Variants in NRXN2 observed in about 807,000 individuals in gnomAD.
NRXN2 encodes neurexin 2, also known as neurexin-2-beta.
In NRXN2, 29 loss-of-function variants were observed where a neutral mutation model predicts 128.8. That is an observed-to-expected ratio of 0.23 (90% CI 0.17 to 0.31). The LOEUF (loss-of-function observed/expected upper bound fraction) is 0.31, where lower values mean the gene tolerates loss of function less well. NRXN2 is among the 10% of genes least tolerant of loss of function. NRXN2 has a pLI of 1.00. For synonymous variants in NRXN2, 1,098 were observed against 1,075.2 expected (o/e 1.02, Z -0.41); for missense variants, 1,881 against 2,452.6 (o/e 0.77, Z 4.92).
Position 64,622,793 on chromosome 11 carries a change from C to T in NRXN2, c.4133G>A (p.Arg1378His). The part of the protein sequence containing the change: ...TTTTMATTTT[R>H]RGRSPTLRDS... ...CCTCAGTGTGGGGGAGCGGCCCCGG[C>T]GCGTGGTGGTAGTGGCCATGGTGGT... Residue 1378 changes from arginine to histidine, a missense_variant, in exon 21 of 23, where the codon CGC becomes CAC. By Grantham distance (29) the Arg-to-His change is conservative. This residue lies in a region of NRXN2 where 108 missense variants were observed against 165.2 expected (regional missense o/e 0.65). Coordinates refer to ENST00000265459, the MANE Select transcript of NRXN2 (RefSeq NM_015080.4). This position sits in a 1 kb window ranked among gnomAD's most constrained non-coding sequence, Gnocchi z 4.3. 4.3e-6 allele frequency: 7 copies of T among 1,612,048 alleles called. No individual in the cohort carries two copies. Among genetic ancestry groups the T allele is most frequent in the Non-Finnish European group, 5.1e-6 (6 of 1,179,926 alleles).
chr11:64,607,614 A>G lies in NRXN2; in HGVS notation c.4721T>C (p.Leu1574Ser). The G allele has an allele frequency of 6.5e-7, 1 of 1,532,524 alleles. No individual in the cohort carries two copies. The highest frequency in any genetic ancestry group is 1.2e-5 in the South Asian group (1 of 84,216). 94.9% of individuals were successfully genotyped at this position (1,532,524 alleles called of 1,614,324 possible). ...GGGCCCCAAGGGCGGGTTCTCCAGC[A>G]AGGGCTGAAGCGGGTCTCGGTGGTT... ...KMNHRDPLQP[L>S]LENPPLGPGA... Residue 1574 changes from leucine (L) to serine (S), a missense_variant, in exon 23 of 23, where the codon TTG becomes TCG. Around this residue, in one of 7 missense-constraint regions of NRXN2, gnomAD observed 310 missense variants for 318.2 expected, o/e 0.97. Coordinates refer to ENST00000265459, the MANE Select transcript of NRXN2 (RefSeq NM_015080.4).
chr11:64,628,496 G>T (rs964189484), intron 19 of NRXN2, among the ~76,000 whole-genome samples: 54 of 152,090 alleles, frequency 3.6e-4, no homozygotes, highest in East Asian at 1.9e-4. Context: ...ACAGGCGGGG[G>T]CACCCAGCAG....
At chr11:64,647,095 T>C in intron 17 of NRXN2, among the ~76,000 whole-genome samples, 1 of 152,142 alleles carries the variant, frequency 6.6e-6, no homozygotes, top group Admixed American at 6.5e-5. Flanking sequence ...CAGTGTGGTA[T>C]GGAGGCAAAG....
rs2039988126 is a variant in NRXN2 at position 64,608,088 on chromosome 11, AC to A, written c.4253-7del. On this transcript the variant is annotated splice_polypyrimidine_tract_variant and splice_region_variant and intron_variant, in intron 22 of 22. Coordinates refer to ENST00000265459, the MANE Select transcript of NRXN2 (RefSeq NM_015080.4). ...GGGCAATATTAACTCTCCTCCTAGA[AC>A]AAGAGAGAGAAGAGAAAAGAGAGGG... 1.3e-6 allele frequency: 2 copies of A among 1,582,372 alleles called. No individual in the cohort carries two copies. The highest frequency in any genetic ancestry group is 2.7e-5 in the African/African-American group (2 of 74,582).
At chr11:64,683,831 G>A (rs1248513815) in intron 6 of NRXN2, among the ~76,000 whole-genome samples, 1 of 152,062 alleles carries the variant, frequency 6.6e-6, no homozygotes, top group Non-Finnish European at 1.5e-5. Flanking sequence ...TCGACTCCGG[G>A]AACCCCAGGA....
chr11:64,686,027 C>T (rs924161335), intron 5 of NRXN2, 80 bp from the exon 6 acceptor site: 43 of 1,509,618 alleles, frequency 2.8e-5, no homozygotes, highest in Middle Eastern at 1.7e-4. Context: ...CCTCCAGCAA[C>T]GCAGGCACTG....
intron 17 of NRXN2, chr11:64,642,528 G>C: frequency 6.2e-7 from 1 of 1,606,608 alleles, no homozygotes; most frequent in Non-Finnish European, 8.5e-7. Flanking sequence ...GGCATCTACA[G>C]TGCCACTTAC....
In NRXN2 at chr11:64,680,276, TG is replaced by T. The variant is rs35257392; in HGVS notation, c.1153-3240del. ...AATATTTACACAAATCATAAAAATC[TG>T]GGGTGAAGACAATCTGTGGACCTTG... is the stretch of plus-strand genomic sequence containing the variant. On this transcript the variant is annotated intron_variant, in intron 6 of 22. Transcript: ENST00000265459. 6.0e-4 allele frequency among the ~76,000 whole-genome samples: 92 copies of T among 152,250 alleles called. No homozygotes were observed. The Middle Eastern group carries it at 0.01, about 17-fold the overall frequency.
Position 64,712,963 on chromosome 11 carries a change from G to C in NRXN2, c.730+7C>G. 2.0e-6 allele frequency: 3 copies of C among 1,504,962 alleles called. No individual in the cohort carries two copies. Among genetic ancestry groups the C allele is most frequent in the South Asian group, 1.2e-5 (1 of 81,688 alleles). 93.2% of individuals were successfully genotyped at this position (1,504,962 alleles called of 1,614,324 possible). On this transcript the variant is annotated splice_region_variant and intron_variant, in intron 2 of 22. Coordinates refer to ENST00000265459, the MANE Select transcript of NRXN2 (RefSeq NM_015080.4). Reference sequence around the variant, plus strand: ...CAGGCACCGGGCGGCCGCTCCCCGGGGCTCACCTTCGCTGCAGAACTTGCC... The same window carrying C: ...CAGGCACCGGGCGGCCGCTCCCCGGCGCTCACCTTCGCTGCAGAACTTGCC...
At chr11:64,669,050 G>T (rs970092153) in intron 7 of NRXN2, among the ~76,000 whole-genome samples, 8 of 152,174 alleles carry the variant, frequency 5.3e-5, no homozygotes, top group Non-Finnish European at 1.5e-5. Context: ...TTTCAAAAGT[G>T]TGCCAGAGAA....
chr11:64,672,819 C>T lies in NRXN2; in HGVS notation c.1197+4174G>A, dbSNP rs544264896. On this transcript the variant is annotated intron_variant, in intron 7 of 22. Coordinates refer to ENST00000265459, the MANE Select transcript of NRXN2 (RefSeq NM_015080.4). ...AGAGGGCAGAAGCTAACCAGAGACT[C>T]GGGTTGGAAAGACACACCATGAAGA... 5.9e-5 allele frequency among the ~76,000 whole-genome samples: 9 copies of T among 152,184 alleles called. No individual in the cohort carries two copies. The South Asian group carries it at 1.7e-3, about 28-fold the overall frequency.
intron 11 of NRXN2, among the ~76,000 whole-genome samples, chr11:64,656,962 C>T (rs555814555): frequency 6.6e-6 from 1 of 152,294 alleles, no homozygotes; most frequent in East Asian, 1.9e-4. Flanking sequence ...TAGCACTAAG[C>T]GATCCCACCT....
intron 6 of NRXN2, among the ~76,000 whole-genome samples, chr11:64,684,760 G>A (rs2052779678): frequency 6.6e-6 from 1 of 152,186 alleles, no homozygotes; most frequent in African/African-American, 2.4e-5. Context: ...GAAGAGACTG[G>A]TCAGAGACAG....
intron 22 of NRXN2, among the ~76,000 whole-genome samples, chr11:64,614,769 T>G (rs1484364277): frequency 6.6e-6 from 1 of 152,148 alleles, no homozygotes; most frequent in Non-Finnish European, 1.5e-5. Flanking sequence ...GTGGGAGCAG[T>G]GAGATAAATG....
chr11:64,670,092 C>G (rs192474169), intron 7 of NRXN2, among the ~76,000 whole-genome samples: 41 of 152,202 alleles, frequency 2.7e-4, no homozygotes, highest in African/African-American at 9.9e-4. Flanking sequence ...TCCTGCCCTC[C>G]CAGGACCCCA....
intron 19 of NRXN2, among the ~76,000 whole-genome samples, chr11:64,628,995 G>T (rs2135362228): frequency 6.6e-6 from 1 of 151,948 alleles, no homozygotes; most frequent in South Asian, 2.1e-4. Context: ...GTATTAGGGG[G>T]CCACGCAGGC....
rs764229565 is a variant in NRXN2 at position 64,651,615 on chromosome 11, A to G, written c.2558T>C (p.Met853Thr). 6.2e-7 allele frequency: 1 copy of G among 1,614,028 alleles called. No individual in the cohort carries two copies. The highest frequency in any genetic ancestry group is 2.2e-5 in the East Asian group (1 of 44,876). ...CTCAATGTTGTGGAACTCCAGCCGC[A>G]TATGGGCTCCTGCCATCTGTCCTGC... Reference protein sequence around the residue: ...TVEGQMAGAHMRLEFHNIETG... With the variant: ...TVEGQMAGAHTRLEFHNIETG... Residue 853 changes from methionine (M) to threonine (T), a missense_variant, in exon 14 of 23, where the codon ATG becomes ACG. This residue lies in a region of NRXN2 where 997 missense variants were observed against 1,240.8 expected (regional missense o/e 0.80). Coordinates refer to ENST00000265459, the MANE Select transcript of NRXN2 (RefSeq NM_015080.4). This position sits in a 1 kb window ranked among gnomAD's most constrained non-coding sequence, Gnocchi z 5.9.
At chr11:64,673,271 A>T (rs1445963218) in intron 7 of NRXN2, among the ~76,000 whole-genome samples, 3 of 152,096 alleles carry the variant, frequency 2.0e-5, no homozygotes, top group African/African-American at 7.2e-5. Context: ...GTACAAGCAA[A>T]CTCCATCAGC....
In NRXN2 at chr11:64,607,633, G is replaced by C; in HGVS notation, c.4702C>G (p.Arg1568Gly). Reference protein sequence around the residue: ...PNLPAGKMNHRDPLQPLLENP... With the variant: ...PNLPAGKMNHGDPLQPLLENP... ...TCCAGCAAGGGCTGAAGCGGGTCTC[G>C]GTGGTTCATTTTGCCCGCCGGCAGG... Residue 1568 changes from arginine to glycine, a missense_variant, in exon 23 of 23, where the codon CGA becomes GGA. Arg to Gly is a moderately radical substitution (Grantham distance 125). Around this residue, in one of 7 missense-constraint regions of NRXN2, gnomAD observed 310 missense variants for 318.2 expected, o/e 0.97. Transcript: ENST00000265459. 6.5e-7 allele frequency: 1 copy of C among 1,531,950 alleles called. No individual in the cohort carries two copies. Among genetic ancestry groups the C allele is most frequent in the Non-Finnish European group, 8.8e-7 (1 of 1,140,858 alleles). 94.9% of individuals were successfully genotyped at this position (1,531,950 alleles called of 1,614,324 possible). A position where few individuals can be genotyped will look rare whatever the true frequency, so the allele number is the denominator to read the frequency against.
Sources: allele counts gnomAD v4.1 joint callset (sites outside exome capture counted in the v4.1 genomes callset), GRCh38; gene constraint gnomAD v4.1.1; regional missense constraint gnomAD v4.1.1; non-coding constraint Gnocchi (gnomAD v3.1); transcripts MANE v1.5; gene names NCBI Gene and HGNC (gene_info 2026-07-23, HGNC 2026-07-21).